PRRG1: variants seen among roughly 807,000 people sequenced by gnomAD.
PRRG1 encodes proline rich and Gla domain 1.
PRRG1 carries 5 observed loss-of-function variants against 11.8 expected under a neutral mutation model. The ratio of observed to expected loss-of-function variants is 0.42; its 90% CI spans 0.22 to 0.89. PRRG1 has a LOEUF of 0.89. Ranked by LOEUF, PRRG1 falls within the 40% of genes least tolerant of loss-of-function variation. The pLI is 0.28. For missense variants in PRRG1, 155 were observed against 166.1 expected (o/e 0.93, Z 0.37); for synonymous variants, 66 against 60.4 (o/e 1.09, Z -0.43).
At chrX:37,376,750 G>T (rs781825225) in intron 1 of PRRG1, among the ~76,000 whole-genome samples, 2 of 104,881 alleles carry the variant, frequency 1.9e-5, no homozygotes, top group Non-Finnish European at 3.9e-5. Context: ...TGATGTCCCA[G>T]CCTCTTGATT....
chrX:37,369,212 G>C (rs1015972388), intron 1 of PRRG1, among the ~76,000 whole-genome samples: 11 of 111,942 alleles, frequency 9.8e-5, no homozygotes, highest in Admixed American at 9.4e-4. Flanking sequence ...TTATAGTGCA[G>C]GTTGGCTGAT....
rs1171114027 is a variant in PRRG1 at position 37,457,235 on chromosome X, G to A, written c.*3614G>A. On this transcript the variant is annotated 3_prime_UTR_variant, in exon 4 of 4. Coordinates refer to ENST00000378628, the MANE Select transcript of PRRG1 (RefSeq NM_001142395.2). ...TATTTTTATGTTTATACTAGGTAGG[G>A]TCTTTCTTATGTTTCTGTGTTTTTG... is the stretch of plus-strand genomic sequence containing the variant. 9.0e-6 allele frequency: 1 copy of A among 111,714 alleles called. No homozygotes were observed. Among genetic ancestry groups the A allele is most frequent in the African/African-American group, 3.3e-5 (1 of 30,674 alleles). 9.2% of individuals were successfully genotyped at this position (111,714 alleles called of 1,213,427 possible). A position where few individuals can be genotyped will look rare whatever the true frequency, so the allele number is the denominator to read the frequency against.
At chrX:37,421,079 C>A (rs1273216967) in intron 2 of PRRG1, among the ~76,000 whole-genome samples, 1 of 111,302 alleles carries the variant, frequency 9.0e-6, no homozygotes, top group African/African-American at 3.3e-5. Flanking sequence ...TGCTACCCAT[C>A]TTTGTGACTT....
chrX:37,353,260 TAAAC>T (rs782410940), intron 1 of PRRG1, among the ~76,000 whole-genome samples: 40 of 111,801 alleles, frequency 3.6e-4, no homozygotes, highest in Non-Finnish European at 6.2e-4. Flanking sequence ...TTTAAAAAGT[TAAAC>T]AAATTAAATA....
chrX:37,411,623 A>G (rs1297305912), intron 2 of PRRG1, among the ~76,000 whole-genome samples: 1 of 111,754 alleles, frequency 8.9e-6, no homozygotes, highest in African/African-American at 3.2e-5. Flanking sequence ...ACACATTTCT[A>G]TTACTGAATC....
intron 1 of PRRG1, chrX:37,403,924 C>A: frequency 3.9e-6 from 1 of 253,937 alleles, no homozygotes; most frequent in Non-Finnish European, 5.5e-6. Context: ...AGGTGGCTGA[C>A]ATGTAGTATT....
intron 1 of PRRG1, among the ~76,000 whole-genome samples, chrX:37,404,910 C>G (rs2146580437): frequency 8.9e-6 from 1 of 111,839 alleles, no homozygotes; most frequent in East Asian, 2.8e-4. Context: ...GAAACTTTAG[C>G]AGTTATCTTG....
chrX:37,394,836 A>G (rs781951124), intron 1 of PRRG1, among the ~76,000 whole-genome samples: 3 of 110,892 alleles, frequency 2.7e-5, no homozygotes, highest in Admixed American at 9.5e-5. Flanking sequence ...ACATCAAAGC[A>G]GCTGAAGCCA....
chrX:37,439,326 A>G (rs1932933052), intron 3 of PRRG1, among the ~76,000 whole-genome samples: 1 of 112,498 alleles, frequency 8.9e-6, no homozygotes, highest in African/African-American at 3.2e-5. Flanking sequence ...AATAGGCTAA[A>G]GGCTGCCTTT....
At chrX:37,414,344 G>C (rs1556384632) in intron 2 of PRRG1, among the ~76,000 whole-genome samples, 1 of 112,411 alleles carries the variant, frequency 8.9e-6, no homozygotes, top group African/African-American at 3.2e-5. Context: ...ATAGAAGTAA[G>C]TTGAGTCTAA....
At position 37,351,543 on chromosome X, in the gene PRRG1, A is replaced by G. The variant is rs138108481; in HGVS notation, c.-42+2148A>G. ...AAAGAAAAAAAAGATAGTAATTCAT[A>G]TTGCATAAAGTTCATGGGATAATAC... On this transcript the variant is annotated intron_variant, in intron 1 of 3. Transcript: ENST00000378628. Among the ~76,000 whole-genome samples, 23 of 112,099 alleles carry G rather than the reference A, an allele frequency of 2.1e-4. No individual in the cohort carries two copies. The East Asian group carries it at 6.1e-3, about 30-fold the overall frequency.
chrX:37,446,751 G>A (rs1424018981), intron 3 of PRRG1, among the ~76,000 whole-genome samples: 1 of 111,706 alleles, frequency 9.0e-6, no homozygotes, highest in Non-Finnish European at 1.9e-5. Context: ...AGATTCTGGT[G>A]GGGGCTTTTG....
intron 1 of PRRG1, among the ~76,000 whole-genome samples, chrX:37,385,253 C>T (rs922432397): frequency 5.4e-5 from 6 of 111,090 alleles, no homozygotes; most frequent in African/African-American, 9.8e-5. Flanking sequence ...ACTATGATTC[C>T]ATTTATATGA....
At chrX:37,363,264 C>T (rs1413514329) in intron 1 of PRRG1, among the ~76,000 whole-genome samples, 2 of 110,603 alleles carry the variant, frequency 1.8e-5, no homozygotes, top group Non-Finnish European at 3.8e-5. Flanking sequence ...TTTAGGAGAC[C>T]CGTTGCATGA....
chrX:37,409,302 CA>C lies in PRRG1; in HGVS notation c.10+3044del, dbSNP rs782174735. Among the ~76,000 whole-genome samples the C allele has an allele frequency of 3.6e-5, 4 of 111,808 alleles. No individual in the cohort carries two copies. In the East Asian group the frequency reaches 1.1e-3, roughly 31 times the overall value. On this transcript the variant is annotated intron_variant, in intron 2 of 3. Transcript: ENST00000378628. ...AATTTTTGTCATCTTCACGTTGAAT[CA>C]GTGGAGGAAGAAGAGGAATTGGTCT...
chrX:37,446,298 T>C (rs1225858997), intron 3 of PRRG1, among the ~76,000 whole-genome samples: 1 of 111,763 alleles, frequency 8.9e-6, no homozygotes, highest in Non-Finnish European at 1.9e-5. Flanking sequence ...TGAGTAACAA[T>C]GTGTCCTATT....
intron 2 of PRRG1, among the ~76,000 whole-genome samples, chrX:37,408,238 AAGT>A (rs1932244675): frequency 2.7e-5 from 3 of 110,718 alleles, no homozygotes; most frequent in African/African-American, 9.9e-5. Flanking sequence ...GAGTGGTTTT[AAGT>A]AGTGGAGAGT....
intron 1 of PRRG1, among the ~76,000 whole-genome samples, chrX:37,393,034 A>G (rs1931594318): frequency 9.0e-6 from 1 of 111,279 alleles, no homozygotes; most frequent in South Asian, 3.7e-4. Flanking sequence ...TGAATTTGCT[A>G]CATATTACTG....
At chrX:37,394,906 G>C (rs1237374461) in intron 1 of PRRG1, among the ~76,000 whole-genome samples, 1 of 111,707 alleles carries the variant, frequency 9.0e-6, no homozygotes, top group African/African-American at 3.3e-5. Flanking sequence ...CTCTCTGTCT[G>C]AAGTAGTAAT....
Sources: gnomAD v4.1 joint callset for allele counts (sites outside exome capture counted in the v4.1 genomes callset) on GRCh38, gnomAD v4.1.1 for gene constraint, MANE v1.5 for transcripts, NCBI Gene and HGNC (gene_info 2026-07-23, HGNC 2026-07-21) for gene names.